PTPRZ1: variants seen among roughly 807,000 people sequenced by gnomAD.
The protein encoded by PTPRZ1 is receptor-type tyrosine-protein phosphatase zeta.
Under a neutral mutation model 214.1 loss-of-function variants are expected in PTPRZ1, and 82 were observed. The observed-to-expected ratio is 0.38, with a 90% confidence interval of 0.32 to 0.46. The LOEUF is 0.46. PTPRZ1 is among the 20% of genes least tolerant of loss of function. PTPRZ1 has a pLI of 1.00. For missense variants in PTPRZ1, 2,603 were observed against 2,748.7 expected, an observed-to-expected ratio of 0.95 and a Z score of 1.19; for synonymous variants, 945 against 987.9, an observed-to-expected ratio of 0.96 and a Z score of 0.81.
chr7:121,896,995 G>A (rs1426494867), intron 1 of PTPRZ1, among the ~76,000 whole-genome samples: 1 of 152,136 alleles, frequency 6.6e-6, no homozygotes, highest in East Asian at 1.9e-4. Context: ...GTCAGTGGGT[G>A]TATTTGATAA....
intron 2 of PTPRZ1, among the ~76,000 whole-genome samples, chr7:121,928,577 C>T (rs911068184): frequency 6.6e-6 from 1 of 152,142 alleles, no homozygotes; most frequent in Non-Finnish European, 1.5e-5. Flanking sequence ...GCACTTGTCA[C>T]AGAGCCTGCT....
At chr7:121,929,163 T>TA (rs11380623) in intron 2 of PTPRZ1, among the ~76,000 whole-genome samples, 103,860 of 152,034 alleles carry the variant, frequency 0.68, 36,992 homozygotes, top group African/African-American at 0.9. Context: ...AAGAAAAACA[T>TA]AAAATCATTA....
At chr7:122,023,777 A>AT (rs1491548930) in intron 13 of PTPRZ1, among the ~76,000 whole-genome samples, 20 of 99,760 alleles carry the variant, frequency 2.0e-4, no homozygotes, top group African/African-American at 5.6e-4. Flanking sequence ...TTTATATATA[A>AT]TATATATTAT....
At chr7:121,939,443 C>A (rs936228849) in intron 2 of PTPRZ1, among the ~76,000 whole-genome samples, 2 of 152,152 alleles carry the variant, frequency 1.3e-5, no homozygotes, top group Admixed American at 1.3e-4. Flanking sequence ...GAAGTAAGAT[C>A]TATTTGCAGC....
At chr7:122,038,728 G>A in intron 18 of PTPRZ1, 27 bp from the exon 19 acceptor site, 6 of 1,608,152 alleles carry the variant, frequency 3.7e-6, no homozygotes, top group Non-Finnish European at 5.1e-6. Flanking sequence ...TCAGTTAGTA[G>A]GAAACATTTG....
intron 1 of PTPRZ1, among the ~76,000 whole-genome samples, chr7:121,904,249 C>T (rs1584621827): frequency 6.6e-6 from 1 of 152,062 alleles, no homozygotes; most frequent in Admixed American, 6.6e-5. Context: ...GAGATTGAGC[C>T]GTTTTTCAAG....
intron 3 of PTPRZ1, among the ~76,000 whole-genome samples, chr7:121,970,760 C>T (rs1032389086): frequency 6.6e-6 from 1 of 152,074 alleles, no homozygotes; most frequent in African/African-American, 2.4e-5. Context: ...GTTGCCTGTT[C>T]ACTCTGATGG....
intron 1 of PTPRZ1, among the ~76,000 whole-genome samples, chr7:121,898,022 T>C (rs990013834): frequency 6.6e-6 from 1 of 151,954 alleles, no homozygotes; most frequent in African/African-American, 2.4e-5. Context: ...AGGAGGAAAA[T>C]AACATCCTAC....
chr7:121,969,526 A>C (rs1402033008), intron 3 of PTPRZ1, among the ~76,000 whole-genome samples: 3 of 146,370 alleles, frequency 2.0e-5, no homozygotes, highest in Admixed American at 1.4e-4. Context: ...GTGCCATTGC[A>C]CTCCAGCCTG....
At chr7:121,901,247 T>C (rs1000729011) in intron 1 of PTPRZ1, among the ~76,000 whole-genome samples, 3 of 152,136 alleles carry the variant, frequency 2.0e-5, no homozygotes, top group African/African-American at 7.2e-5. Flanking sequence ...TTCATTTTCG[T>C]CTTCACAACC....
intron 1 of PTPRZ1, among the ~76,000 whole-genome samples, chr7:121,882,040 G>A (rs972760418): frequency 9.2e-5 from 14 of 151,950 alleles, no homozygotes; most frequent in Non-Finnish European, 1.5e-4. Flanking sequence ...TCAGGTATAG[G>A]CTATTTCTTT....
chr7:121,903,747 C>T (rs962572237), intron 1 of PTPRZ1, among the ~76,000 whole-genome samples: 3 of 152,056 alleles, frequency 2.0e-5, no homozygotes, highest in Non-Finnish European at 4.4e-5. Flanking sequence ...CATCCCTTAG[C>T]TCGAGTCCTA....
intron 1 of PTPRZ1, among the ~76,000 whole-genome samples, chr7:121,882,464 C>T (rs1370694894): frequency 6.6e-6 from 1 of 152,058 alleles, no homozygotes; most frequent in Admixed American, 6.6e-5. Flanking sequence ...TTAAGGTTGG[C>T]ATGCAGAGAA....
At chr7:122,050,915 A>G (rs1201283166) in intron 23 of PTPRZ1, among the ~76,000 whole-genome samples, 2 of 152,220 alleles carry the variant, frequency 1.3e-5, no homozygotes, top group African/African-American at 2.4e-5. Context: ...TAAGAGACAT[A>G]CAGGAGATGC....
At chr7:121,970,443 C>T (rs1797202877) in intron 3 of PTPRZ1, among the ~76,000 whole-genome samples, 1 of 152,180 alleles carries the variant, frequency 6.6e-6, no homozygotes, top group Admixed American at 6.5e-5. Context: ...TTCTATTTCT[C>T]CACATCCTCT....
intron 1 of PTPRZ1, among the ~76,000 whole-genome samples, chr7:121,912,484 G>A (rs1403868904): frequency 6.6e-6 from 1 of 152,176 alleles, no homozygotes; most frequent in Non-Finnish European, 1.5e-5. Flanking sequence ...AGGCAGAAGA[G>A]AGACATACAG....
At chr7:121,932,677 A>C (rs138106552) in intron 2 of PTPRZ1, among the ~76,000 whole-genome samples, 72 of 152,298 alleles carry the variant, frequency 4.7e-4, no homozygotes, top group African/African-American at 1.7e-3. Flanking sequence ...AAGAACTAAT[A>C]AGCCATTTAG....
intron 2 of PTPRZ1, among the ~76,000 whole-genome samples, chr7:121,934,079 C>T (rs1796002969): frequency 6.6e-6 from 1 of 152,118 alleles, no homozygotes; most frequent in Non-Finnish European, 1.5e-5. Flanking sequence ...ATGGTTACCC[C>T]TGGAGAGTGA....
At chr7:121,902,180 C>G (rs994469183) in intron 1 of PTPRZ1, among the ~76,000 whole-genome samples, 1 of 152,148 alleles carries the variant, frequency 6.6e-6, no homozygotes, top group Admixed American at 6.5e-5. Flanking sequence ...GTCACAATCA[C>G]AGTATTTCAT....
Sources: gnomAD v4.1 joint callset for allele counts (sites outside exome capture counted in the v4.1 genomes callset) on GRCh38, gnomAD v4.1.1 for gene constraint, MANE v1.5 for transcripts, NCBI Gene and HGNC (gene_info 2026-07-23, HGNC 2026-07-21) for gene names.